KLF8: variants seen among roughly 807,000 people sequenced by gnomAD.
The protein encoded by KLF8 is KLF transcription factor 8, also known as Krueppel-like factor 8.
Under a neutral mutation model 18.2 loss-of-function variants are expected in KLF8, and 10 were observed. The observed-to-expected ratio is 0.55, with a 90% CI of 0.34 to 0.93. The LOEUF is 0.93. Among genes scored for constraint, KLF8 ranks in the 40% least tolerant of loss-of-function variants. The probability of loss-of-function intolerance (pLI) is 0.02; values close to 1 mark genes in which losing one functional copy is unlikely to be tolerated. For missense variants in KLF8, 264 were observed against 277.9 expected, an observed-to-expected ratio of 0.95 and a Z score of 0.36; for synonymous variants, 109 against 97.3, an observed-to-expected ratio of 1.12 and a Z score of -0.71.
chrX:56,165,078 G>T, the KLF8 span, among the ~76,000 whole-genome samples: 3 of 107,382 alleles, frequency 2.8e-5, no homozygotes, highest in Admixed American at 2.0e-4. Flanking sequence ...CAAAGAACAT[G>T]AACTCATCAT....
At chrX:56,027,431 C>G in the KLF8 span, among the ~76,000 whole-genome samples, 2 of 112,023 alleles carry the variant, frequency 1.8e-5, no homozygotes, top group Non-Finnish European at 3.8e-5. Flanking sequence ...TGTTCTTTCC[C>G]CCAGAATTTA....
the KLF8 span, among the ~76,000 whole-genome samples, chrX:55,976,709 A>G: frequency 2.7e-5 from 3 of 111,311 alleles, no homozygotes; most frequent in Non-Finnish European, 5.7e-5. Flanking sequence ...GATTGCATTG[A>G]ATCATTAGAT....
At chrX:56,006,041 A>G in the KLF8 span, among the ~76,000 whole-genome samples, 1 of 112,395 alleles carries the variant, frequency 8.9e-6, no homozygotes, top group South Asian at 3.6e-4. Context: ...TCTTACACAC[A>G]AGGCTGTCCT....
At chrX:56,155,477 G>A in the KLF8 span, among the ~76,000 whole-genome samples, 508 of 110,632 alleles carry the variant, frequency 4.6e-3, no homozygotes, top group Non-Finnish European at 7.5e-3. Flanking sequence ...AGCGGGGAGG[G>A]ATAGCATTAG....
chrX:56,076,786 A>G, the KLF8 span, among the ~76,000 whole-genome samples: 2 of 111,639 alleles, frequency 1.8e-5, no homozygotes, highest in African/African-American at 6.5e-5. Flanking sequence ...ATTTCTCCAC[A>G]TCCTCTCCAG....
chrX:56,270,281 C>A lies in KLF8; in HGVS notation c.858C>A (p.Thr286=). 8.3e-7 allele frequency: 1 copy of A among 1,205,943 alleles called. No homozygotes were observed. Among genetic ancestry groups the A allele is most frequent in the Non-Finnish European group, 1.1e-6 (1 of 892,997 alleles). The stretch of plus-strand genomic sequence containing the variant: ...TTGCAGGATGCAGCAAAGTGTACAC[C>A]AAAAGCTCTCACCTGAAAGCTCACC... ...CDFAGCSKVY[T]KSSHLKAHRR... The change falls in exon 5 of 6, where the codon ACC becomes ACA. Residue 286 remains threonine, a synonymous_variant. Transcript: ENST00000468660.
the KLF8 span, among the ~76,000 whole-genome samples, chrX:55,965,901 C>A: frequency 9.0e-6 from 1 of 111,527 alleles, no homozygotes; most frequent in Non-Finnish European, 1.9e-5. Context: ...CAGAGGGCAG[C>A]CCACTGATAT....
At chrX:55,993,263 C>G in the KLF8 span, among the ~76,000 whole-genome samples, 1 of 111,453 alleles carries the variant, frequency 9.0e-6, no homozygotes, top group Admixed American at 9.5e-5. Context: ...ATTATTTTGA[C>G]GTGTGTTCCT....
At chrX:56,126,755 T>C in the KLF8 span, among the ~76,000 whole-genome samples, 1 of 33,513 alleles carries the variant, frequency 3.0e-5, no homozygotes, top group African/African-American at 4.7e-5. Flanking sequence ...TTTCTTTCTT[T>C]TTTTTTTTTT....
chrX:55,939,101 C>G, the KLF8 span, among the ~76,000 whole-genome samples: 2 of 111,612 alleles, frequency 1.8e-5, no homozygotes, highest in African/African-American at 6.5e-5. Context: ...CAAGCCTATT[C>G]CAAAATTGAC....
At chrX:56,027,411 T>G in the KLF8 span, among the ~76,000 whole-genome samples, 693 of 112,142 alleles carry the variant, frequency 6.2e-3, 6 homozygotes, top group African/African-American at 0.022. Context: ...AATTTCTTGT[T>G]GATATTTTAT....
chrX:56,050,535 C>T, the KLF8 span, among the ~76,000 whole-genome samples: 2 of 112,046 alleles, frequency 1.8e-5, no homozygotes, highest in Non-Finnish European at 3.8e-5. Context: ...ACCCAGTAGT[C>T]ATTCAGGAGC....
At chrX:56,085,885 C>T in the KLF8 span, among the ~76,000 whole-genome samples, 2 of 111,983 alleles carry the variant, frequency 1.8e-5, no homozygotes, top group African/African-American at 6.5e-5. Flanking sequence ...TATGTAGAAA[C>T]ATAAAGAGTC....
At chrX:56,188,219 A>G in the KLF8 span, among the ~76,000 whole-genome samples, 1 of 111,561 alleles carries the variant, frequency 9.0e-6, no homozygotes, top group Non-Finnish European at 1.9e-5. Context: ...ATTCTTATAC[A>G]CCAATAACAG....
chrX:55,936,824 G>C, the KLF8 span, among the ~76,000 whole-genome samples: 1 of 101,021 alleles, frequency 9.9e-6, no homozygotes, highest in East Asian at 3.2e-4. Flanking sequence ...CAGTGAGGCT[G>C]GGGGAGGGGC....
At chrX:56,203,417 C>A in the KLF8 span, among the ~76,000 whole-genome samples, 2 of 111,925 alleles carry the variant, frequency 1.8e-5, no homozygotes, top group African/African-American at 6.5e-5. Flanking sequence ...TGTGCAGAAG[C>A]TTTCTAACTT....
chrX:56,180,238 C>A, the KLF8 span, among the ~76,000 whole-genome samples: 1 of 111,726 alleles, frequency 9.0e-6, no homozygotes, highest in Non-Finnish European at 1.9e-5. Flanking sequence ...TTATCCATTT[C>A]TTTCAGATTT....
the KLF8 span, among the ~76,000 whole-genome samples, chrX:56,183,253 A>G: frequency 1.8e-5 from 2 of 112,149 alleles, no homozygotes; most frequent in Admixed American, 1.9e-4. Context: ...CTCCGTGGGC[A>G]AGGGACACTC....
Position 56,265,762 on chromosome X carries a change from C to G in KLF8, c.646+18C>G. The G allele has an allele frequency of 2.5e-6, 3 of 1,184,672 alleles. No individual in the cohort carries two copies. The highest frequency in any genetic ancestry group is 3.4e-6 in the Non-Finnish European group (3 of 884,145). ...TGGATCAGGTAAGTAACAATATTGC[C>G]TCTTTCCTGGCCTTCCTGAATCTAT... On this transcript the variant is annotated intron_variant, in intron 3 of 5. Transcript: ENST00000468660.
Sources: allele counts gnomAD v4.1 joint callset (sites outside exome capture counted in the v4.1 genomes callset), GRCh38; gene constraint gnomAD v4.1.1; transcripts MANE v1.5; gene names NCBI Gene and HGNC (gene_info 2026-07-23, HGNC 2026-07-21).